ASB15: variants seen among roughly 807,000 people sequenced by gnomAD.
ASB15 encodes ankyrin repeat and SOCS box protein 15.
Under a neutral mutation model 58.0 loss-of-function variants are expected in ASB15, and 54 were observed. The observed-to-expected ratio is 0.93, with a 90% CI of 0.75 to 1.17. The LOEUF is 1.17. ASB15 is among the 50% of genes most tolerant of loss of function. ASB15 has a pLI of 0.00. For missense variants in ASB15, 680 were observed against 707.4 expected, an observed-to-expected ratio of 0.96 and a Z score of 0.44; for synonymous variants, 249 against 262.4, an observed-to-expected ratio of 0.95 and a Z score of 0.50.
chr7:123,597,922 G>GTGTGTGTGTA (rs1562917811), upstream of ASB15, among the ~76,000 whole-genome samples: 2 of 117,262 alleles, frequency 1.7e-5, no homozygotes, highest in East Asian at 2.3e-4. Flanking sequence ...AACTTCGTGT[G>GTGTGTGTGTA]TGTGTGTGTG....
At chr7:123,623,072 C>CT (rs1242850353) in intron 7 of ASB15, 1 of 152,248 alleles carries the variant, frequency 6.6e-6, no homozygotes, top group African/African-American at 2.4e-5. Flanking sequence ...CAGGCCCAGA[C>CT]TTTGAGTCTC....
chr7:123,620,497 CATATACATACATATAT>C (rs1360917720), intron 7 of ASB15, among the ~76,000 whole-genome samples: 5 of 66,254 alleles, frequency 7.5e-5, no homozygotes, highest in Middle Eastern at 0.014. Flanking sequence ...TAATGTGACA[CATATACATACATATAT>C]ATATATATAT....
chr7:123,611,030 C>T lies in ASB15; in HGVS notation c.-3+2376C>T, dbSNP rs1446176739. Among the ~76,000 whole-genome samples, 3 of 142,148 alleles carry T rather than the reference C, an allele frequency of 2.1e-5. No individual in the cohort carries two copies. In the Admixed American group the frequency reaches 2.2e-4, roughly 11 times the overall value. 93.3% of individuals were successfully genotyped at this position (142,148 alleles called of 152,430 possible). ...CCAGCAGGCGGGAGGTTGCAGTGAG[C>T]CAAGATTGTGCCGTTTCACTCCAAC... On this transcript the variant is annotated intron_variant, in intron 3 of 11. Transcript: ENST00000451215.
At chr7:123,568,834 T>C (rs1279809760) in intron 1 of ASB15, among the ~76,000 whole-genome samples, 3 of 152,136 alleles carry the variant, frequency 2.0e-5, no homozygotes, top group Non-Finnish European at 4.4e-5. Context: ...ATAATTTAGA[T>C]ATAGAATGAG....
Position 123,569,022 on chromosome 7 carries a change from G to GT in ASB15, c.-443+1940dup, listed in dbSNP as rs983495388. Among the ~76,000 whole-genome samples the GT allele has an allele frequency of 2.0e-5, 3 of 152,268 alleles. No homozygotes were observed. The East Asian group carries it at 5.8e-4, about 29-fold the overall frequency. ...TCAGAAATGTGAGAAGGATATGAATGTTTTTTAAAAACTGAATAAACTACA... is the reference window on the plus strand; with the variant it reads ...TCAGAAATGTGAGAAGGATATGAATGTTTTTTTAAAAACTGAATAAACTACA... On this transcript the variant is annotated intron_variant, in intron 1 of 13. Transcript: ENST00000451558.
At chr7:123,587,317 G>C (rs1321648386) in intron 1 of ASB15, among the ~76,000 whole-genome samples, 2 of 151,410 alleles carry the variant, frequency 1.3e-5, no homozygotes, top group Non-Finnish European at 3.0e-5. Flanking sequence ...TTGTATATGG[G>C]ATTTTATTAA....
In ASB15 at chr7:123,590,721, G is replaced by A. The variant is rs183384331; in HGVS notation, c.-442-13311G>A. The stretch of plus-strand genomic sequence containing the variant: ...CTGTAGCCTCATAGTATAGTTCGAT[G>A]TCAGGTAGCGTGATGCCTCCAACTT... On this transcript the variant is annotated intron_variant, in intron 1 of 13. Transcript: ENST00000451558. Among the ~76,000 whole-genome samples, 5 of 152,292 alleles carry A rather than the reference G, an allele frequency of 3.3e-5. No homozygotes were observed. The South Asian group carries it at 6.2e-4, about 19-fold the overall frequency.
At chr7:123,608,404 G>C (rs970217352) in intron 2 of ASB15, among the ~76,000 whole-genome samples, 190 bp from the exon 3 acceptor site, 4 of 152,138 alleles carry the variant, frequency 2.6e-5, no homozygotes, top group Non-Finnish European at 5.9e-5. Context: ...AGTTTCTACA[G>C]ATCATTTTGC....
upstream of ASB15, among the ~76,000 whole-genome samples, chr7:123,597,917 CGTGT>C (rs61508655): frequency 0.14 from 18,614 of 132,798 alleles, 1,178 homozygotes; most frequent in South Asian, 0.18. Context: ...TTTCAAACTT[CGTGT>C]GTGTGTGTGT....
At chr7:123,572,581 A>G (rs1195466247) in intron 1 of ASB15, among the ~76,000 whole-genome samples, 1 of 151,526 alleles carries the variant, frequency 6.6e-6, no homozygotes, top group Non-Finnish European at 1.5e-5. Context: ...TGTTCCTTAT[A>G]TTGTTATAAT....
intron 1 of ASB15, among the ~76,000 whole-genome samples, chr7:123,583,877 A>G (rs1322972219): frequency 6.6e-6 from 1 of 151,918 alleles, no homozygotes; most frequent in African/African-American, 2.4e-5. Context: ...AAGTTTGCCA[A>G]ATCCAATGGT....
chr7:123,584,229 T>C (rs1455185199), intron 1 of ASB15, among the ~76,000 whole-genome samples: 4 of 143,972 alleles, frequency 2.8e-5, no homozygotes, highest in Non-Finnish European at 4.5e-5. Flanking sequence ...GGAGGATCAC[T>C]GAAGCCCAGG....
intron 1 of ASB15, among the ~76,000 whole-genome samples, chr7:123,591,835 C>T (rs1400278078): frequency 6.6e-6 from 1 of 152,142 alleles, no homozygotes; most frequent in East Asian, 1.9e-4. Flanking sequence ...GGGAAGATTA[C>T]CTCTTTTTCT....
intron 9 of ASB15, 27 bp from the exon 10 acceptor site, chr7:123,628,833 GGCAA>G (rs1801962335): frequency 1.5e-6 from 2 of 1,376,126 alleles, no homozygotes; most frequent in African/African-American, 2.9e-5. Flanking sequence ...TTTTCTTTAT[GGCAA>G]GTAGATATTT....
intron 7 of ASB15, chr7:123,622,764 A>C (rs1194571692): frequency 6.6e-6 from 1 of 152,208 alleles, no homozygotes; most frequent in Non-Finnish European, 1.5e-5. Context: ...CTGCAATAAC[A>C]CCAGCTAGCA....
At chr7:123,605,931 A>G (rs1394916919) in intron 2 of ASB15, among the ~76,000 whole-genome samples, 1 of 152,210 alleles carries the variant, frequency 6.6e-6, no homozygotes, top group African/African-American at 2.4e-5. Flanking sequence ...TACTCTGTAC[A>G]CCAAACCCTT....
Position 123,633,113 on chromosome 7 carries a change from C to T in ASB15, c.1594+2994C>T, listed in dbSNP as rs1386753889. On this transcript the variant is annotated intron_variant, in intron 11 of 11. Coordinates refer to ENST00000451215, the MANE Select transcript of ASB15 (RefSeq NM_001290258.2). ...GTCCAAAGGATCCACTAAGAAATGG[C>T]CTTTAGACAACCCAAAATGATTAGC... 2.0e-5 allele frequency among the ~76,000 whole-genome samples: 3 copies of T among 152,142 alleles called. 1 individual carries two copies. Among genetic ancestry groups the T allele is most frequent in the South Asian group, 4.2e-4 (2 of 4,816 alleles).
chr7:123,606,526 T>C (rs1263591226), intron 2 of ASB15, among the ~76,000 whole-genome samples: 1 of 152,212 alleles, frequency 6.6e-6, no homozygotes, highest in Admixed American at 6.5e-5. Flanking sequence ...ATTTCAAGTA[T>C]ACAATACAAT....
intron 1 of ASB15, among the ~76,000 whole-genome samples, chr7:123,593,779 A>G (rs1204638562): frequency 6.6e-6 from 1 of 152,046 alleles, no homozygotes; most frequent in East Asian, 1.9e-4. Flanking sequence ...TTCTCGAGGA[A>G]TAGCTTTGTG....
Sources: allele counts gnomAD v4.1 joint callset (sites outside exome capture counted in the v4.1 genomes callset), GRCh38; gene constraint gnomAD v4.1.1; transcripts MANE v1.5; gene names NCBI Gene and HGNC (gene_info 2026-07-23, HGNC 2026-07-21).